Variants in UHRF1 observed in about 807,000 individuals in gnomAD.
The protein encoded by UHRF1 is E3 ubiquitin-protein ligase UHRF1.
UHRF1 carries 9 observed loss-of-function variants against 96.5 expected under a neutral mutation model. The ratio of observed to expected loss-of-function variants is 0.09; its 90% confidence interval spans 0.06 to 0.16. The LOEUF (loss-of-function observed/expected upper bound fraction) is 0.16. Among genes scored for constraint, UHRF1 ranks in the 10% least tolerant of loss-of-function variants. UHRF1 has a pLI of 1.00. For missense variants in UHRF1, 626 were observed against 1,131.1 expected (o/e 0.55, Z 6.40); for synonymous variants, 455 against 469.9 (o/e 0.97, Z 0.41).
At chr19:4,913,971 G>A (rs892809798) in intron 2 of UHRF1, among the ~76,000 whole-genome samples, 1 of 151,744 alleles carries the variant, frequency 6.6e-6, no homozygotes, top group Non-Finnish European at 1.5e-5. Context: ...GCCACCATGC[G>A]CAGCTAATTT....
intron 13 of UHRF1, among the ~76,000 whole-genome samples, chr19:4,952,850 C>T (rs1016046689): frequency 6.6e-5 from 10 of 152,076 alleles, no homozygotes; most frequent in African/African-American, 2.4e-4. Flanking sequence ...CTCAGAATCA[C>T]CAGAGTTTGG....
intron 2 of UHRF1, among the ~76,000 whole-genome samples, chr19:4,917,011 C>T (rs542382829): frequency 3.2e-4 from 46 of 144,050 alleles, no homozygotes; most frequent in African/African-American, 1.1e-3. Context: ...AGGCAGTGTT[C>T]GGCACCCTGA....
chr19:4,944,497 G>A, intron 9 of UHRF1, 47 bp downstream of exon 9: 1 of 1,602,216 alleles, frequency 6.2e-7, no homozygotes, highest in Non-Finnish European at 8.5e-7. Flanking sequence ...GGCTCATCCT[G>A]CTTTTCTGGG....
chr19:4,912,372 A>C lies in UHRF1; in HGVS notation c.153+1334A>C, dbSNP rs931813014. ...CAGCACAGAAGGCTTCATTTCACAA[A>C]GAGTTTCTGAAGCCTGCAAGGACCT... On this transcript the variant is annotated intron_variant, in intron 2 of 16. Coordinates refer to ENST00000650932, the MANE Select transcript of UHRF1 (RefSeq NM_001048201.3). Among the ~76,000 whole-genome samples the C allele has an allele frequency of 2.0e-5, 3 of 152,278 alleles. No individual in the cohort carries two copies. In the South Asian group the frequency reaches 6.2e-4, roughly 32 times the overall value.
intron 7 of UHRF1, among the ~76,000 whole-genome samples, chr19:4,943,682 G>A (rs1029126336): frequency 6.6e-6 from 1 of 151,794 alleles, no homozygotes. Flanking sequence ...ATAGAGTCTT[G>A]CTCTGTCCTC....
intron 16 of UHRF1, among the ~76,000 whole-genome samples, chr19:4,960,236 C>G (rs1218106723): frequency 1.3e-5 from 2 of 152,252 alleles, no homozygotes; most frequent in East Asian, 3.8e-4. Flanking sequence ...CAGGGAGCAT[C>G]TGCCCTGTTG....
At chr19:4,918,510 C>T (rs902295834) in intron 2 of UHRF1, among the ~76,000 whole-genome samples, 4 of 151,654 alleles carry the variant, frequency 2.6e-5, no homozygotes, top group Non-Finnish European at 4.4e-5. Context: ...CTCCACCTCC[C>T]GGGTTCAAGC....
At chr19:4,941,986 A>C (rs1033829592) in intron 7 of UHRF1, 55 bp downstream of exon 7, 2 of 1,428,656 alleles carry the variant, frequency 1.4e-6, no homozygotes, top group Admixed American at 3.1e-5. Context: ...ACAAATCCCC[A>C]GAGGGGCACT....
At chr19:4,935,926 C>T (rs965154867) in intron 5 of UHRF1, among the ~76,000 whole-genome samples, 3 of 152,222 alleles carry the variant, frequency 2.0e-5, no homozygotes, top group Admixed American at 6.5e-5. Context: ...CCAGCACCCA[C>T]GGGCTTCCTC....
At chr19:4,958,066 G>A (rs1241324842) in intron 16 of UHRF1, among the ~76,000 whole-genome samples, 1 of 152,236 alleles carries the variant, frequency 6.6e-6, no homozygotes, top group Admixed American at 6.5e-5. Flanking sequence ...CATGCCAGGA[G>A]GCAGCTCAGG....
intron 1 of UHRF1, 84 bp downstream of exon 1, chr19:4,909,739 A>T (rs949757668): frequency 2.0e-6 from 1 of 488,128 alleles, no homozygotes; most frequent in African/African-American, 2.1e-5. Context: ...CCGCGCGGCC[A>T]GCCCGGGCGC....
intron 2 of UHRF1, 31 bp from the exon 3 acceptor site, chr19:4,929,191 T>C (rs1242997957): frequency 6.3e-7 from 1 of 1,593,416 alleles, no homozygotes; most frequent in African/African-American, 1.3e-5. Context: ...ATTTGGTGGC[T>C]AAACAGCGTC....
At position 4,954,764 on chromosome 19, in the gene UHRF1, C is replaced by T; in HGVS notation, c.2072C>T (p.Ala691Val). ...SSLIREDKSN[A>V]KLWNEVLASL... ...CTCATCAGAGAGGACAAGAGCAACG[C>T]CAAGCTGTGGAATGAGGTCCTGGCG... The change falls in exon 15 of 17, where the codon GCC becomes GTC. Residue 691 changes from alanine to valine, a missense_variant. Ala to Val is a moderately conservative substitution (Grantham distance 64). Around this residue, in one of 11 missense-constraint regions of UHRF1, gnomAD observed 84 missense variants for 150.3 expected, o/e 0.56. Coordinates refer to ENST00000650932, the MANE Select transcript of UHRF1 (RefSeq NM_001048201.3). This position sits in a 1 kb window ranked among gnomAD's most constrained non-coding sequence, Gnocchi z 5.9. The T allele has an allele frequency of 6.2e-7, 1 of 1,613,896 alleles. No homozygotes were observed. Among genetic ancestry groups the T allele is most frequent in the Admixed American group, 1.7e-5 (1 of 60,014 alleles).
intron 7 of UHRF1, among the ~76,000 whole-genome samples, chr19:4,942,753 A>G (rs2033445577): frequency 6.6e-6 from 1 of 152,066 alleles, no homozygotes. Context: ...CCTGGCCTGG[A>G]GACCCCATTT....
At position 4,954,663 on chromosome 19, in the gene UHRF1, C is replaced by G; in HGVS notation, c.1971C>G (p.Ser657Arg). 7 of 1,612,582 alleles carry G rather than the reference C, an allele frequency of 4.3e-6. No individual in the cohort carries two copies. The highest frequency in any genetic ancestry group is 5.9e-6 in the Non-Finnish European group (7 of 1,179,328). ...WKRKSAGGGP[S>R]RAGSPRRTSK... is the part of the protein sequence containing the mutation. The stretch of plus-strand genomic sequence containing the variant: ...ACCCTCTTCCAGGAGGTGGCCCGAG[C>G]AGGGCCGGGTCCCCGCGCCGGACAT... Residue 657 changes from serine to arginine, a missense_variant, in exon 15 of 17, where the codon AGC becomes AGG. This residue lies in a region of UHRF1 where 90 missense variants were observed against 94.7 expected (regional missense o/e 0.95). Transcript: ENST00000650932. The surrounding 1 kb of genome is among the most constrained non-coding windows in gnomAD (Gnocchi z 5.9).
chr19:4,908,614 ATCT>A (rs2032125514), upstream of UHRF1, among the ~76,000 whole-genome samples: 1 of 152,022 alleles, frequency 6.6e-6, no homozygotes, highest in African/African-American at 2.4e-5. Flanking sequence ...CTCAAATGTC[ATCT>A]TCTCTGAGAG....
intron 11 of UHRF1, 58 bp from the exon 12 acceptor site, chr19:4,950,553 C>T: frequency 1.9e-6 from 3 of 1,560,216 alleles, no homozygotes; most frequent in East Asian, 4.5e-5. Flanking sequence ...TCCTGTGTTT[C>T]CTTTTTTGGG....
chr19:4,930,833 C>T lies in UHRF1; in HGVS notation c.526C>T (p.Pro176Ser). The T allele has an allele frequency of 6.2e-7, 1 of 1,613,956 alleles. No homozygotes were observed. The highest frequency in any genetic ancestry group is 8.5e-7 in the Non-Finnish European group (1 of 1,179,886). Residue 176 changes from proline to serine, a missense_variant, in exon 4 of 17, where the codon CCG becomes TCG. By Grantham distance (74) the Pro-to-Ser change is moderately conservative (BLOSUM62 -1). Coordinates refer to ENST00000650932, the MANE Select transcript of UHRF1 (RefSeq NM_001048201.3). The surrounding 1 kb of genome is among the most constrained non-coding windows in gnomAD (Gnocchi z 4.4). ...CGAGCCCTGCAGCTCCACGTCCAGG[C>T]CGGCGCTGGAGGAGGACGTCATTTA... The part of the protein sequence containing the change: ...RDEPCSSTSR[P>S]ALEEDVIYHV...
In UHRF1 at chr19:4,958,727, T is replaced by C. The variant is rs1025922385; in HGVS notation, c.2235+1914T>C. 2.0e-5 allele frequency among the ~76,000 whole-genome samples: 3 copies of C among 151,924 alleles called. No individual in the cohort carries two copies. The East Asian group carries it at 5.8e-4, about 30-fold the overall frequency. On this transcript the variant is annotated intron_variant, in intron 16 of 16. Coordinates refer to ENST00000650932, the MANE Select transcript of UHRF1 (RefSeq NM_001048201.3). ...TGGCTAATGCCTGTAATCCCAGCAC[T>C]TGGGGAGGCTGAGGTGGGAGGATCA... is the stretch of plus-strand genomic sequence containing the variant.
Sources: gnomAD v4.1 joint callset for allele counts (sites outside exome capture counted in the v4.1 genomes callset) on GRCh38, gnomAD v4.1.1 for gene constraint, gnomAD v4.1.1 regional missense constraint, Gnocchi (gnomAD v3.1) non-coding constraint, MANE v1.5 for transcripts, NCBI Gene and HGNC (gene_info 2026-07-23, HGNC 2026-07-21) for gene names.